SEL1L2: variants seen among roughly 807,000 people sequenced by gnomAD.
SEL1L2 encodes the protein SEL1L2 adaptor subunit of SYVN1 ubiquitin ligase.
Under a neutral mutation model 98.8 loss-of-function variants are expected in SEL1L2, and 89 were observed. The ratio of observed to expected loss-of-function variants is 0.90; its 90% CI spans 0.76 to 1.07. The LOEUF (loss-of-function observed/expected upper bound fraction) is 1.07. SEL1L2 is among the 50% of genes least tolerant of loss of function. The pLI is 0.00. For missense variants in SEL1L2, 788 were observed against 812.0 expected (o/e 0.97, Z 0.36); for synonymous variants, 262 against 278.5 (o/e 0.94, Z 0.59).
chr20:13,929,332 A>C (rs939247538), intron 3 of SEL1L2, among the ~76,000 whole-genome samples: 5 of 152,026 alleles, frequency 3.3e-5, no homozygotes, highest in Non-Finnish European at 7.4e-5. Flanking sequence ...AGGACCTCTA[A>C]CGTTCCTTTT....
chr20:13,877,683 A>G, intron 10 of SEL1L2, 95 bp from the exon 11 acceptor site: 2 of 930,846 alleles, frequency 2.1e-6, no homozygotes, highest in Non-Finnish European at 3.4e-6. Flanking sequence ...CATTCAAAAA[A>G]TATCTATGGT....
intron 12 of SEL1L2, 61 bp downstream of exon 12, chr20:13,875,977 G>T (rs1486380302): frequency 3.1e-6 from 4 of 1,286,166 alleles, no homozygotes; most frequent in Non-Finnish European, 4.5e-6. Flanking sequence ...TTTGGCACCA[G>T]TCTGCGTGTA....
At chr20:13,943,031 C>T (rs890076472) in intron 2 of SEL1L2, among the ~76,000 whole-genome samples, 2 of 133,410 alleles carry the variant, frequency 1.5e-5, no homozygotes, top group Non-Finnish European at 3.4e-5. Flanking sequence ...GTAATAACCA[C>T]CCCTAAGTGA....
intron 11 of SEL1L2, 139 bp from the exon 12 acceptor site, chr20:13,876,254 T>C (rs2046423340): frequency 1.6e-6 from 1 of 642,036 alleles, no homozygotes; most frequent in African/African-American, 1.8e-5. Flanking sequence ...CTGAATTGTA[T>C]AAAGTGGTCA....
chr20:13,930,138 G>T (rs933077416), intron 3 of SEL1L2, among the ~76,000 whole-genome samples: 1 of 151,780 alleles, frequency 6.6e-6, no homozygotes, highest in Non-Finnish European at 1.5e-5. Context: ...TGTGCCTTGG[G>T]ACTCTAACTC....
chr20:13,850,186 C>G lies in SEL1L2; in HGVS notation c.1947+5G>C, dbSNP rs778367315. 3 of 1,613,504 alleles carry G rather than the reference C, an allele frequency of 1.9e-6. No homozygotes were observed. Among genetic ancestry groups the G allele is most frequent in the South Asian group, 2.2e-5 (2 of 91,062 alleles). ...AGATTCAGGACCTGTTCAAGACAAA[C>G]TTACATTAAAAAACAGGATATCCCG... On this transcript the variant is annotated splice_donor_5th_base_variant and intron_variant, in intron 19 of 19. Transcript: ENST00000284951.
chr20:13,931,310 G>A (rs1431508700), intron 3 of SEL1L2, among the ~76,000 whole-genome samples: 5 of 151,954 alleles, frequency 3.3e-5, no homozygotes, highest in Admixed American at 1.3e-4. Context: ...GATTACAGGC[G>A]TGAGCCACCG....
intron 1 of SEL1L2, among the ~76,000 whole-genome samples, chr20:13,958,589 C>T (rs937969270): frequency 3.9e-5 from 6 of 152,124 alleles, no homozygotes; most frequent in African/African-American, 1.4e-4. Flanking sequence ...ATCAACAACA[C>T]ATTTGGCCCA....
intron 5 of SEL1L2, chr20:13,913,560 T>C: frequency 2.6e-6 from 1 of 378,112 alleles, no homozygotes; most frequent in East Asian, 4.0e-5. Flanking sequence ...TCATATTTCT[T>C]CATATAGGTG....
chr20:13,914,876 C>G (rs146719690), intron 4 of SEL1L2, among the ~76,000 whole-genome samples: 1 of 152,120 alleles, frequency 6.6e-6, no homozygotes. Context: ...CTGCACTCTT[C>G]GAGACCCAGT....
At chr20:13,863,375 A>G (rs950014296) in intron 17 of SEL1L2, among the ~76,000 whole-genome samples, 2 of 152,182 alleles carry the variant, frequency 1.3e-5, no homozygotes, top group Non-Finnish European at 2.9e-5. Context: ...GCTGACTGGC[A>G]GCATGTGGTG....
At chr20:13,892,654 C>G (rs1192340979) in intron 5 of SEL1L2, among the ~76,000 whole-genome samples, 1 of 152,042 alleles carries the variant, frequency 6.6e-6, no homozygotes, top group African/African-American at 2.4e-5. Flanking sequence ...AAAAAAATAA[C>G]AAAACAGCAA....
In SEL1L2 at chr20:13,877,729, C is replaced by T. The variant is rs1050522029; in HGVS notation, c.958-141G>A. 21 of 656,306 alleles carry T rather than the reference C, an allele frequency of 3.2e-5. No individual in the cohort carries two copies. In the East Asian group the frequency reaches 5.2e-4, roughly 16 times the overall value. The allele number at this position is 656,306 out of a possible 1,614,324, so 40.7% of individuals were successfully genotyped here. A position where few individuals can be genotyped will look rare whatever the true frequency, so the allele number is the denominator to read the frequency against. ...GAGCTTAAAAAAAATCTGTGAAATG[C>T]CCATTTTGTTCAAGGCACTATTCCA... On this transcript the variant is annotated intron_variant, in intron 10 of 19. Transcript: ENST00000284951.
At chr20:13,909,216 C>T (rs113574120) in intron 5 of SEL1L2, among the ~76,000 whole-genome samples, 54 of 152,282 alleles carry the variant, frequency 3.5e-4, no homozygotes, top group African/African-American at 1.2e-3. Context: ...GGCAGGATTT[C>T]TGTACCAAGC....
rs116895705 is a variant in SEL1L2, at chr20:13,965,291, A to C, written c.59-9160T>G. On this transcript the variant is annotated intron_variant, in intron 1 of 19. Transcript: ENST00000284951. ...ACAAATAGTAAGAGGTCAACCTGGC[A>C]ACGAGGATGATTCTAAAACCTGGGA... Among the ~76,000 whole-genome samples the C allele has an allele frequency of 4.0e-3, 614 of 152,334 alleles. 1 individual carries two copies. The highest frequency in any genetic ancestry group is 9.8e-3 in the East Asian group (51 of 5,188).
chr20:13,912,180 G>A (rs759451004), intron 5 of SEL1L2, among the ~76,000 whole-genome samples: 7 of 151,948 alleles, frequency 4.6e-5, no homozygotes, highest in Non-Finnish European at 7.4e-5. Flanking sequence ...GGGTCTTCCA[G>A]TCCAACTTCT....
intron 12 of SEL1L2, 134 bp from the exon 13 acceptor site, chr20:13,870,337 C>G: frequency 1.6e-6 from 1 of 640,070 alleles, no homozygotes. Flanking sequence ...TTATTCTGAC[C>G]CACTCTAGTT....
intron 17 of SEL1L2, 67 bp from the exon 18 acceptor site, chr20:13,859,501 A>T: frequency 7.3e-7 from 1 of 1,378,178 alleles, no homozygotes; most frequent in Non-Finnish European, 1.0e-6. Context: ...TCAGGAATTC[A>T]ACCTAGTAAT....
At chr20:13,993,857 T>G (rs2052581115), upstream of SEL1L2, among the ~76,000 whole-genome samples, 1 of 152,230 alleles carries the variant, frequency 6.6e-6, no homozygotes, top group South Asian at 2.1e-4. Context: ...TTATCAGGTT[T>G]TATTTATTCT....
Sources: gnomAD v4.1 joint callset for allele counts (sites outside exome capture counted in the v4.1 genomes callset) on GRCh38, gnomAD v4.1.1 for gene constraint, MANE v1.5 for transcripts, NCBI Gene and HGNC (gene_info 2026-07-23, HGNC 2026-07-21) for gene names.